Variants in PHF20L1 observed in about 807,000 individuals in gnomAD.
PHF20L1 encodes the protein PHD finger protein 20 like 1, also known as PHD finger protein 20-like protein 1.
PHF20L1 carries 44 observed loss-of-function variants against 125.5 expected under a neutral mutation model. The observed-to-expected ratio is 0.35, with a 90% confidence interval of 0.28 to 0.45. PHF20L1 has a LOEUF of 0.45. Among genes scored for constraint, PHF20L1 ranks in the 20% least tolerant of loss-of-function variants. The pLI is 1.00. For synonymous variants in PHF20L1, 380 were observed against 403.1 expected, an observed-to-expected ratio of 0.94 and a Z score of 0.69; for missense variants, 1,012 against 1,217.2, an observed-to-expected ratio of 0.83 and a Z score of 2.51.
chr8:132,833,553 G>A (rs1837013797), intron 15 of PHF20L1, among the ~76,000 whole-genome samples: 1 of 152,054 alleles, frequency 6.6e-6, no homozygotes, highest in African/African-American at 2.4e-5. Context: ...AATTGAATGA[G>A]ATTTCTGGAA....
At chr8:132,827,297 A>G (rs140337015) in intron 14 of PHF20L1, among the ~76,000 whole-genome samples, 2 of 152,148 alleles carry the variant, frequency 1.3e-5, no homozygotes, top group African/African-American at 4.8e-5. Flanking sequence ...TGTGAGTGGT[A>G]TGTCACAATA....
chr8:132,811,204 G>A, intron 9 of PHF20L1, 76 bp downstream of exon 9: 1 of 1,592,364 alleles, frequency 6.3e-7, no homozygotes. Context: ...CTACGTAATT[G>A]AAATTCCCCT....
chr8:132,799,548 A>T (rs985488569), intron 6 of PHF20L1: 2 of 157,000 alleles, frequency 1.3e-5, no homozygotes, highest in Non-Finnish European at 2.8e-5. Flanking sequence ...TTTCTTTTCT[A>T]TTCTGCTGTT....
chr8:132,799,028 A>G, intron 5 of PHF20L1, 67 bp from the exon 6 acceptor site: 1 of 1,361,328 alleles, frequency 7.3e-7, no homozygotes, highest in Non-Finnish European at 1.0e-6. Context: ...AAAATAAATT[A>G]TACATTTGAT....
In PHF20L1 at chr8:132,844,279, G is replaced by A. The variant is rs1838224943; in HGVS notation, c.2872G>A (p.Val958Ile). The change falls in exon 20 of 21, where the codon GTT becomes ATT. Residue 958 changes from valine (V) to isoleucine (I), a missense_variant. This residue lies in a region of PHF20L1 where 277 missense variants were observed against 283.6 expected (regional missense o/e 0.98). Transcript: ENST00000395386. ...LTHIENVQNE[V>I]TSRMDLIEKE... ...ACACATAGAAAATGTGCAGAACGAA[G>A]TTACCAGCAGGATGGACCTAATAGA... 1.2e-6 allele frequency: 2 copies of A among 1,612,428 alleles called. No individual in the cohort carries two copies. Among genetic ancestry groups the A allele is most frequent in the Non-Finnish European group, 1.7e-6 (2 of 1,178,990 alleles).
intron 14 of PHF20L1, among the ~76,000 whole-genome samples, chr8:132,829,785 A>G (rs1320230881): frequency 2.0e-5 from 3 of 151,968 alleles, no homozygotes; most frequent in African/African-American, 7.2e-5. Context: ...TGATAGTTGT[A>G]TATTCTTGGG....
intron 2 of PHF20L1, among the ~76,000 whole-genome samples, chr8:132,791,254 CTTTTTTTT>C (rs1184118420): frequency 8.5e-6 from 1 of 117,132 alleles, no homozygotes; most frequent in African/African-American, 3.5e-5. Context: ...GAGTTATTTC[CTTTTTTTT>C]TTTTTTTTTT....
intron 9 of PHF20L1, chr8:132,811,810 A>G (rs947175442): frequency 2.4e-4 from 235 of 984,890 alleles, no homozygotes; most frequent in Non-Finnish European, 2.7e-4. Flanking sequence ...GAACGCAGTA[A>G]TAGCCATAAC....
chr8:132,792,077 T>C (rs142081153), intron 2 of PHF20L1, among the ~76,000 whole-genome samples: 11 of 152,288 alleles, frequency 7.2e-5, no homozygotes, highest in Non-Finnish European at 1.6e-4. Context: ...TTCAAATATA[T>C]AGAGTTGTAT....
chr8:132,780,838 T>C (rs1830335454), intron 2 of PHF20L1, among the ~76,000 whole-genome samples: 1 of 151,712 alleles, frequency 6.6e-6, no homozygotes, highest in East Asian at 1.9e-4. Context: ...TTAAAGGTTT[T>C]TCTTGCTTTT....
chr8:132,819,323 A>C (rs1036755148), intron 12 of PHF20L1, among the ~76,000 whole-genome samples: 2 of 151,928 alleles, frequency 1.3e-5, no homozygotes, highest in African/African-American at 4.8e-5. Flanking sequence ...GTCAACTTTA[A>C]TTGATTATAG....
intron 18 of PHF20L1, 150 bp downstream of exon 18, chr8:132,839,732 T>G (rs572137203): frequency 1.6e-6 from 1 of 611,144 alleles, no homozygotes; most frequent in Non-Finnish European, 2.9e-6. Flanking sequence ...AAGGAAAGAT[T>G]AACAACCTTT....
Position 132,844,165 on chromosome 8 carries a change from G to A in PHF20L1, c.2758G>A (p.Glu920Lys). The A allele has an allele frequency of 6.2e-7, 1 of 1,612,126 alleles. No homozygotes were observed. The highest frequency in any genetic ancestry group is 1.1e-5 in the South Asian group (1 of 90,986). ...EHGMPEKNPA[E>K]GNTVFVYNDK... The stretch of plus-strand genomic sequence containing the variant: ...TGGTCCTTTGGAGAAGAATCCAGCT[G>A]AAGGGAATACAGTATTTGTTTATAA... Residue 920 changes from glutamate (E) to lysine (K), a missense_variant, in exon 20 of 21, where the codon GAA becomes AAA. Glu to Lys is a moderately conservative substitution (Grantham distance 56). Coordinates refer to ENST00000395386, the MANE Select transcript of PHF20L1 (RefSeq NM_016018.5).
At chr8:132,820,948 A>G (rs79799604) in intron 12 of PHF20L1, among the ~76,000 whole-genome samples, 1 of 149,382 alleles carries the variant, frequency 6.7e-6, no homozygotes, top group South Asian at 2.1e-4. Context: ...ACCCATCTTC[A>G]TTTTTTTTTT....
At chr8:132,843,085 A>G (rs1838091065) in intron 19 of PHF20L1, 3 of 1,274,418 alleles carry the variant, frequency 2.4e-6, no homozygotes, top group Admixed American at 3.7e-5. Context: ...AATTGTAGTA[A>G]TTCAATAAAC....
At chr8:132,831,920 G>A (rs112327712) in intron 14 of PHF20L1, among the ~76,000 whole-genome samples, 1 of 152,084 alleles carries the variant, frequency 6.6e-6, no homozygotes, top group Admixed American at 6.6e-5. Flanking sequence ...TTTTACTGCA[G>A]ACATAGTTGT....
intron 6 of PHF20L1, chr8:132,803,572 A>C (rs1490572786): frequency 2.4e-6 from 1 of 416,270 alleles, no homozygotes; most frequent in Non-Finnish European, 4.3e-6. Context: ...GTGAAAATAT[A>C]TCCATGGAAT....
intron 6 of PHF20L1, chr8:132,803,459 A>G (rs563398705): frequency 2.2e-5 from 4 of 185,928 alleles, no homozygotes; most frequent in Admixed American, 1.8e-4. Flanking sequence ...ATTATGAGAA[A>G]GAGATGGAAT....
At chr8:132,786,544 T>C (rs1386771658) in intron 2 of PHF20L1, among the ~76,000 whole-genome samples, 1 of 152,130 alleles carries the variant, frequency 6.6e-6, no homozygotes, top group African/African-American at 2.4e-5. Context: ...GAGCCCCCTA[T>C]ATTGAAACAC....
Sources: allele counts gnomAD v4.1 joint callset (sites outside exome capture counted in the v4.1 genomes callset), GRCh38; gene constraint gnomAD v4.1.1; regional missense constraint gnomAD v4.1.1; transcripts MANE v1.5; gene names NCBI Gene and HGNC (gene_info 2026-07-23, HGNC 2026-07-21).